The following SYCP2 variants were observed in gnomAD, a reference collection of about 807,000 sequenced individuals.
The protein encoded by SYCP2 is synaptonemal complex lateral element protein.
A neutral mutation model predicts 211.3 loss-of-function variants in SYCP2; 55 were observed. That is an observed-to-expected ratio of 0.26 (90% CI 0.21 to 0.33). The LOEUF is 0.33. SYCP2 is among the 10% of genes least tolerant of loss of function. The pLI is 1.00. For synonymous variants in SYCP2, 570 were observed against 555.2 expected (o/e 1.03, Z -0.37); for missense variants, 1,731 against 1,752.0 (o/e 0.99, Z 0.21).
chr20:59,864,842 T>C (rs1226753796), intron 44 of SYCP2, among the ~76,000 whole-genome samples: 1 of 151,988 alleles, frequency 6.6e-6, no homozygotes, highest in Non-Finnish European at 1.5e-5. Flanking sequence ...TAAAAATGCC[T>C]TTCATCTTTG....
At chr20:59,898,069 G>A (rs1274536315) in intron 18 of SYCP2, among the ~76,000 whole-genome samples, 3 of 152,042 alleles carry the variant, frequency 2.0e-5, no homozygotes, top group East Asian at 1.9e-4. Context: ...GCAGTGAGCC[G>A]AGATTGCACC....
intron 24 of SYCP2, among the ~76,000 whole-genome samples, chr20:59,891,360 T>A (rs2059901965): frequency 6.6e-6 from 1 of 152,154 alleles, no homozygotes; most frequent in Admixed American, 6.6e-5. Flanking sequence ...TAATATTTTC[T>A]TCCCTGGAAG....
chr20:59,870,201 T>TA (rs1250940364), intron 35 of SYCP2, among the ~76,000 whole-genome samples: 1 of 151,794 alleles, frequency 6.6e-6, no homozygotes, highest in African/African-American at 2.4e-5. Context: ...GGATCCCTGC[T>TA]AGTACAGTTT....
chr20:59,892,246 G>A lies in SYCP2; in HGVS notation c.2108C>T (p.Ser703Leu), dbSNP rs1353297797. 6.2e-7 allele frequency: 1 copy of A among 1,612,734 alleles called. No individual in the cohort carries two copies. Among genetic ancestry groups the A allele is most frequent in the African/African-American group, 1.3e-5 (1 of 74,920 alleles). ...HNQQQNHPKY[S>L]GQKNTENAKQ... Reference sequence around the variant, plus strand: ...GGCATTTTCAGTATTTTTCTGCCCTGAATATTTAGGATGATTTTGTTGCTG... The same window carrying A: ...GGCATTTTCAGTATTTTTCTGCCCTAAATATTTAGGATGATTTTGTTGCTG... Residue 703 changes from serine to leucine, a missense_variant, in exon 24 of 45, where the codon TCA (serine) becomes TTA (leucine). Ser to Leu is a moderately radical substitution (Grantham distance 145, BLOSUM62 -2). Transcript: ENST00000357552.
At chr20:59,914,077 T>C (rs757920046) in intron 11 of SYCP2, 32 bp downstream of exon 11, 24 of 1,577,246 alleles carry the variant, frequency 1.5e-5, no homozygotes, top group Non-Finnish European at 2.0e-5. Context: ...TTTTAAAAAT[T>C]CACGAATTTC....
Position 59,895,614 on chromosome 20 carries a change from G to A in SYCP2, c.1505-17C>T, listed in dbSNP as rs766883192. 9.3e-6 allele frequency: 15 copies of A among 1,605,136 alleles called. No homozygotes were observed. The highest frequency in any genetic ancestry group is 3.4e-5 in the Admixed American group (2 of 58,674). ...GTGGTATTGCTAAAAAGGAGGACAAGGATTGCAGATTTTTCTTTTTTTACC... is the reference window on the plus strand; with the variant it reads ...GTGGTATTGCTAAAAAGGAGGACAAAGATTGCAGATTTTTCTTTTTTTACC... On this transcript the variant is annotated splice_polypyrimidine_tract_variant and intron_variant, in intron 19 of 44. Transcript: ENST00000357552.
chr20:59,919,651 ACTTATCTAT>A (rs2060504738), intron 5 of SYCP2, 54 bp from the exon 6 acceptor site: 1 of 1,148,764 alleles, frequency 8.7e-7, no homozygotes, highest in African/African-American at 1.6e-5. Context: ...TTAAGAATGT[ACTTATCTAT>A]CTTTGCATAA....
rs771686124 is a variant in SYCP2, at chr20:59,880,998, G to C, written c.2740C>G (p.Leu914Val). 6.7e-7 allele frequency: 1 copy of C among 1,496,386 alleles called. No individual in the cohort carries two copies. The allele number at this position is 1,496,386 out of a possible 1,614,324, so 92.7% of individuals were successfully genotyped here. ...RLVGPRNHDE[L>V]KSSVKTKDKK... ...TCTTTTGTTTTGACAGAAGATTTAAGTTCATCATGATTCCTTGGACCTACC... is the reference window on the plus strand; with the variant it reads ...TCTTTTGTTTTGACAGAAGATTTAACTTCATCATGATTCCTTGGACCTACC... The change falls in exon 30 of 45, where the codon CTT (leucine) becomes GTT (valine). Residue 914 changes from leucine to valine, a missense_variant. Leu to Val is a conservative substitution (Grantham distance 32, BLOSUM62 1). Coordinates refer to ENST00000357552, the MANE Select transcript of SYCP2 (RefSeq NM_014258.4).
chr20:59,920,498 A>C lies in SYCP2; in HGVS notation c.169-11T>G. 6.3e-7 allele frequency: 1 copy of C among 1,578,920 alleles called. No homozygotes were observed. Among genetic ancestry groups the C allele is most frequent in the South Asian group, 1.1e-5 (1 of 88,164 alleles). ...CTCTTTATTAAGTTCCTGAAATAAA[A>C]GGTATACATTAAAATTTCTGTAAAC... On this transcript the variant is annotated splice_polypyrimidine_tract_variant and intron_variant, in intron 4 of 44. Transcript: ENST00000357552.
rs991750138 is a variant in SYCP2 at position 59,900,179 on chromosome 20, T to C, written c.1363A>G (p.Lys455Glu). The C allele has an allele frequency of 1.9e-6, 3 of 1,613,330 alleles. No individual in the cohort carries two copies. Among genetic ancestry groups the C allele is most frequent in the Non-Finnish European group, 2.5e-6 (3 of 1,179,648 alleles). Residue 455 changes from lysine (K) to glutamate (E), a missense_variant, in exon 18 of 45, where the codon AAA (lysine) becomes GAA (glutamate). By Grantham distance (56) the Lys-to-Glu change is moderately conservative. Coordinates refer to ENST00000357552, the MANE Select transcript of SYCP2 (RefSeq NM_014258.4). ...KEFAKPSKYI[K>E]NSDKGNRNNS... The stretch of plus-strand genomic sequence containing the variant: ...TTTCTATTCCCTTTGTCACTGTTTT[T>C]GATATATTTTGAAGGTTTAGCAAAT...
chr20:59,885,639 TACAC>T (rs555963029), intron 26 of SYCP2, among the ~76,000 whole-genome samples: 6 of 151,078 alleles, frequency 4.0e-5, no homozygotes, highest in African/African-American at 7.3e-5. Context: ...ATTAAAAAAA[TACAC>T]ACACACACAC....
At chr20:59,891,782 A>G (rs766858197) in intron 24 of SYCP2, among the ~76,000 whole-genome samples, 1 of 151,966 alleles carries the variant, frequency 6.6e-6, no homozygotes, top group Non-Finnish European at 1.5e-5. Flanking sequence ...TTCTACACAT[A>G]TTTACATGTC....
chr20:59,877,366 C>G lies in SYCP2; in HGVS notation c.3150+19G>C. The G allele has an allele frequency of 6.7e-7, 1 of 1,484,374 alleles. No individual in the cohort carries two copies. The highest frequency in any genetic ancestry group is 8.9e-7 in the Non-Finnish European group (1 of 1,119,796). The allele number at this position is 1,484,374 out of a possible 1,614,324, so 92.0% of individuals were successfully genotyped here. On this transcript the variant is annotated intron_variant, in intron 33 of 44. Transcript: ENST00000357552. ...TTTTAAGAGGCTTTTAGAAATTAAT[C>G]TGAACTGTATCTATTTACCTTTACT...
chr20:59,905,096 G>A (rs2060189673), intron 15 of SYCP2, among the ~76,000 whole-genome samples: 1 of 152,112 alleles, frequency 6.6e-6, no homozygotes, highest in Non-Finnish European at 1.5e-5. Context: ...GATGGTAGGA[G>A]GGACTGACCA....
chr20:59,874,180 A>G, intron 34 of SYCP2, 119 bp from the exon 35 acceptor site: 1 of 527,832 alleles, frequency 1.9e-6, no homozygotes, highest in South Asian at 4.2e-5. Context: ...AATCTTAGCT[A>G]TAAAAAAGGA....
Position 59,895,487 on chromosome 20 carries a change from G to A in SYCP2, c.1615C>T (p.Leu539=). 6.2e-7 allele frequency: 1 copy of A among 1,612,764 alleles called. No homozygotes were observed. Among genetic ancestry groups the A allele is most frequent in the Admixed American group, 1.7e-5 (1 of 59,918 alleles). ...SENRVDNAAS[L]KSRSSEGRHR... is the part of the protein sequence containing the mutation. Reference sequence around the variant, plus strand: ...CTTCCTTCTGATGATCTAGATTTCAGTGATGCAGCATTATCCACTCTATTT... The same window carrying A: ...CTTCCTTCTGATGATCTAGATTTCAATGATGCAGCATTATCCACTCTATTT... Residue 539 remains leucine, a synonymous_variant, in exon 20 of 45, where the codon CTG becomes TTG. Coordinates refer to ENST00000357552, the MANE Select transcript of SYCP2 (RefSeq NM_014258.4).
chr20:59,877,357 GA>G, intron 33 of SYCP2, 27 bp downstream of exon 33: 3 of 1,429,030 alleles, frequency 2.1e-6, no homozygotes, highest in Non-Finnish European at 2.8e-6. Context: ...GAGGCTTTTA[GA>G]AATTAATCTG....
chr20:59,927,280 T>G, intron 2 of SYCP2, among the ~76,000 whole-genome samples: 1 of 152,128 alleles, frequency 6.6e-6, no homozygotes, highest in Non-Finnish European at 1.5e-5. Context: ...ACCTTAATGT[T>G]CCCTGAGATG....
At chr20:59,869,735 T>C (rs1394039256) in intron 36 of SYCP2, 63 bp downstream of exon 36, 11 of 908,022 alleles carry the variant, frequency 1.2e-5, no homozygotes, top group Middle Eastern at 3.4e-4. Flanking sequence ...AGGTCAGTAA[T>C]CTGAGTCTTA....
Sources: allele counts gnomAD v4.1 joint callset (sites outside exome capture counted in the v4.1 genomes callset), GRCh38; gene constraint gnomAD v4.1.1; transcripts MANE v1.5; gene names NCBI Gene and HGNC (gene_info 2026-07-23, HGNC 2026-07-21).